The following CHST11 variants were observed in gnomAD, a reference collection of about 807,000 sequenced individuals.
The protein encoded by CHST11 is carbohydrate sulfotransferase 11.
A neutral mutation model predicts 30.4 loss-of-function variants in CHST11; 9 were observed. The ratio of observed to expected loss-of-function variants is 0.30; its 90% CI spans 0.18 to 0.52. CHST11 has a LOEUF of 0.52. CHST11 is among the 20% of genes least tolerant of loss of function. CHST11 has a pLI of 0.97. For missense variants in CHST11, 348 were observed against 460.6 expected (o/e 0.76, Z 2.24); for synonymous variants, 152 against 187.8 (o/e 0.81, Z 1.56).
chr12:104,713,394 G>A (rs1019378583), intron 2 of CHST11, among the ~76,000 whole-genome samples: 3 of 152,124 alleles, frequency 2.0e-5, no homozygotes, highest in Admixed American at 6.5e-5. Context: ...CTAAGCCAGT[G>A]TCCTGGGAAT....
chr12:104,710,030 A>G (rs955535987), intron 2 of CHST11, among the ~76,000 whole-genome samples: 4 of 151,986 alleles, frequency 2.6e-5, no homozygotes, highest in African/African-American at 9.7e-5. Context: ...GCAAGACCCC[A>G]TCTACACAGA....
rs150815297 is a variant in CHST11, at chr12:104,482,899, CT to C, written c.118+25375del. Among the ~76,000 whole-genome samples, 451 of 152,264 alleles carry C rather than the reference CT, an allele frequency of 3.0e-3. 4 individuals are homozygous for C. Among genetic ancestry groups the C allele is most frequent in the African/African-American group, 0.01 (427 of 41,552 alleles). On this transcript the variant is annotated intron_variant, in intron 1 of 2. Transcript: ENST00000303694. ...GCTTCACGTCTGAAGTCTCTGCTTA[CT>C]TTTTGGAACAGATGGTGGTTCTCAT...
chr12:104,598,564 C>T (rs1229607810), intron 1 of CHST11, among the ~76,000 whole-genome samples: 2 of 152,198 alleles, frequency 1.3e-5, no homozygotes, highest in Non-Finnish European at 2.9e-5. Flanking sequence ...CCATCTCCCC[C>T]TCCTTCTGAT....
chr12:104,671,675 C>T (rs2039698733), intron 2 of CHST11, among the ~76,000 whole-genome samples: 1 of 152,206 alleles, frequency 6.6e-6, no homozygotes, highest in African/African-American at 2.4e-5. Context: ...GATTCCTTTA[C>T]TTACAGAAAG....
chr12:104,471,997 G>A (rs2037513893), intron 1 of CHST11, among the ~76,000 whole-genome samples: 1 of 152,034 alleles, frequency 6.6e-6, no homozygotes, highest in African/African-American at 2.4e-5. Flanking sequence ...ATCTTGCTCT[G>A]TCACCCAGGC....
chr12:104,717,156 G>T (rs931415287), intron 2 of CHST11, among the ~76,000 whole-genome samples: 8 of 152,190 alleles, frequency 5.3e-5, no homozygotes, highest in Admixed American at 4.6e-4. Context: ...AATTCCATCT[G>T]CTACCTTGAT....
rs145143762 is a variant in CHST11, at chr12:104,489,683, T to C, written c.118+32154T>C. ...TGGTAGAGAGTTGGCCAGGATGGTC[T>C]CAATCTCTTGACTTTGTGATCTACC... On this transcript the variant is annotated intron_variant, in intron 1 of 2. Transcript: ENST00000303694. 2.1e-3 allele frequency among the ~76,000 whole-genome samples: 314 copies of C among 151,656 alleles called. 2 individuals are homozygous for C. The highest frequency in any genetic ancestry group is 7.1e-3 in the African/African-American group (294 of 41,338).
intron 2 of CHST11, among the ~76,000 whole-genome samples, chr12:104,738,143 G>C (rs975752819): frequency 1.3e-5 from 2 of 152,122 alleles, no homozygotes; most frequent in African/African-American, 4.8e-5. Flanking sequence ...CCCTGGTCAG[G>C]GGGTGCTGCA....
intron 1 of CHST11, among the ~76,000 whole-genome samples, chr12:104,483,797 G>A (rs2037651834): frequency 1.3e-5 from 2 of 152,206 alleles, no homozygotes. Context: ...GAACAGATGA[G>A]TAGATGAATG....
chr12:104,572,420 A>G (rs2038637472), intron 1 of CHST11, among the ~76,000 whole-genome samples: 2 of 152,052 alleles, frequency 1.3e-5, no homozygotes, highest in South Asian at 2.1e-4. Context: ...CAGAGATTCA[A>G]CTTCTTCCTG....
chr12:104,688,650 A>G (rs1213804996), intron 2 of CHST11, among the ~76,000 whole-genome samples: 2 of 152,258 alleles, frequency 1.3e-5, no homozygotes, highest in African/African-American at 4.8e-5. Context: ...ATAAAATGTT[A>G]AGGATCCTTA....
intron 2 of CHST11, among the ~76,000 whole-genome samples, chr12:104,643,781 G>A (rs1441598853): frequency 6.6e-6 from 1 of 152,082 alleles, no homozygotes; most frequent in East Asian, 1.9e-4. Flanking sequence ...TGAGAATCTG[G>A]TCTGGGTCTC....
chr12:104,711,866 A>T (rs768468356), intron 2 of CHST11, among the ~76,000 whole-genome samples: 8 of 152,188 alleles, frequency 5.3e-5, no homozygotes, highest in Non-Finnish European at 1.2e-4. Flanking sequence ...ATAGGAGGCC[A>T]CTGAGGCAGA....
intron 2 of CHST11, among the ~76,000 whole-genome samples, chr12:104,744,418 G>C (rs545947590): frequency 6.6e-6 from 1 of 152,186 alleles, no homozygotes; most frequent in Non-Finnish European, 1.5e-5. Context: ...AAAACTGTCT[G>C]TTCACATCCT....
At chr12:104,620,370 C>A (rs892629145) in intron 2 of CHST11, among the ~76,000 whole-genome samples, 1 of 152,182 alleles carries the variant, frequency 6.6e-6, no homozygotes, top group African/African-American at 2.4e-5. Flanking sequence ...AGTTCAGAAG[C>A]AGCTGACATC....
chr12:104,597,183 A>G (rs958584503), intron 1 of CHST11, among the ~76,000 whole-genome samples: 1 of 152,198 alleles, frequency 6.6e-6, no homozygotes, highest in African/African-American at 2.4e-5. Flanking sequence ...CTTCATTACA[A>G]TGAAACAAAC....
Position 104,539,900 on chromosome 12 carries a change from G to A in CHST11, c.119-62006G>A, listed in dbSNP as rs190866670. Among the ~76,000 whole-genome samples, 352 of 152,130 alleles carry A rather than the reference G, an allele frequency of 2.3e-3. 3 individuals carry two copies. The highest frequency in any genetic ancestry group is 8.1e-3 in the African/African-American group (335 of 41,492). The stretch of plus-strand genomic sequence containing the variant: ...TGTTGCCCAGGCTGGTCTCGAACTC[G>A]TGAGCTCAAGCAGTCCTCCCACCTC... On this transcript the variant is annotated intron_variant, in intron 1 of 2. Coordinates refer to ENST00000303694, the MANE Select transcript of CHST11 (RefSeq NM_018413.6).
At chr12:104,560,147 C>T (rs1314467804) in intron 1 of CHST11, among the ~76,000 whole-genome samples, 3 of 152,090 alleles carry the variant, frequency 2.0e-5, no homozygotes, top group African/African-American at 7.2e-5. Context: ...GTGGGAGAGG[C>T]AGGCAAGGGT....
chr12:104,470,264 G>A (rs1219808698), intron 1 of CHST11, among the ~76,000 whole-genome samples: 3 of 152,210 alleles, frequency 2.0e-5, no homozygotes, highest in African/African-American at 7.2e-5. Flanking sequence ...AAGGAAAGAG[G>A]TTTAATTGAC....
Sources: gnomAD v4.1 joint callset for allele counts (sites outside exome capture counted in the v4.1 genomes callset) on GRCh38, gnomAD v4.1.1 for gene constraint, MANE v1.5 for transcripts, NCBI Gene and HGNC (gene_info 2026-07-23, HGNC 2026-07-21) for gene names.